The following TENM4 variants were observed in gnomAD, a reference collection of about 807,000 sequenced individuals.
The protein encoded by TENM4 is teneurin-4.
TENM4 carries 82 observed loss-of-function variants against 243.3 expected under a neutral mutation model. The ratio of observed to expected loss-of-function variants is 0.34; its 90% CI spans 0.28 to 0.40. TENM4 has a LOEUF of 0.40. Among genes scored for constraint, TENM4 ranks in the 10% least tolerant of loss-of-function variants. The probability of loss-of-function intolerance (pLI) is 1.00; values close to 1 mark genes in which losing one functional copy is unlikely to be tolerated. For missense variants in TENM4, 3,138 were observed against 3,673.3 expected, an observed-to-expected ratio of 0.85 and a Z score of 3.77; for synonymous variants, 1,412 against 1,456.3, an observed-to-expected ratio of 0.97 and a Z score of 0.69.
chr11:78,675,220 C>A (rs1858437462), intron 30 of TENM4, among the ~76,000 whole-genome samples: 1 of 152,108 alleles, frequency 6.6e-6, no homozygotes, highest in Non-Finnish European at 1.5e-5. Flanking sequence ...AAATCGTTTA[C>A]CCTCTCTGGA....
At chr11:79,356,336 G>C (rs888933325) in intron 1 of TENM4, among the ~76,000 whole-genome samples, 1 of 152,144 alleles carries the variant, frequency 6.6e-6, no homozygotes. Context: ...TACTAAGAAG[G>C]GATACTAATT....
chr11:79,294,170 C>T (rs775858668), intron 2 of TENM4, among the ~76,000 whole-genome samples: 1 of 152,194 alleles, frequency 6.6e-6, no homozygotes, highest in African/African-American at 2.4e-5. Flanking sequence ...AAGGCATTAT[C>T]ATTACTGACA....
intron 1 of TENM4, among the ~76,000 whole-genome samples, chr11:79,407,791 G>A (rs1858604304): frequency 6.6e-6 from 1 of 152,146 alleles, no homozygotes; most frequent in Non-Finnish European, 1.5e-5. Context: ...AAACTTTTCT[G>A]TGCTAAGAAT....
chr11:79,418,449 C>T (rs1858864090), intron 1 of TENM4, among the ~76,000 whole-genome samples: 1 of 152,224 alleles, frequency 6.6e-6, no homozygotes, highest in Admixed American at 6.5e-5. Context: ...TCTGTTGAGT[C>T]ATAGCCAATC....
chr11:78,684,235 C>T (rs1302850226), intron 29 of TENM4, among the ~76,000 whole-genome samples: 1 of 152,266 alleles, frequency 6.6e-6, no homozygotes, highest in Non-Finnish European at 1.5e-5. Context: ...GCTACTTCAG[C>T]TCAGGTTCCA....
chr11:78,799,681 C>A lies in TENM4; in HGVS notation c.2179+5611G>T, dbSNP rs182183343. ...TTTCATGCAATTCTTGCTGACTGCA[C>A]GTGTTACCTCCAAACCTGTGCCACT... On this transcript the variant is annotated intron_variant, in intron 15 of 33. Transcript: ENST00000278550. 1.6e-4 allele frequency among the ~76,000 whole-genome samples: 24 copies of A among 152,336 alleles called. No homozygotes were observed. The East Asian group carries it at 4.6e-3, about 29-fold the overall frequency.
intron 25 of TENM4, among the ~76,000 whole-genome samples, chr11:78,719,002 A>G (rs1859585955): frequency 6.6e-6 from 1 of 152,174 alleles, no homozygotes; most frequent in African/African-American, 2.4e-5. Flanking sequence ...ATTATCATAT[A>G]ATAATAATTG....
intron 1 of TENM4, among the ~76,000 whole-genome samples, chr11:79,349,566 T>C (rs1467969902): frequency 6.6e-6 from 1 of 152,220 alleles, no homozygotes; most frequent in Non-Finnish European, 1.5e-5. Flanking sequence ...CCAGAGGTTT[T>C]GCAGTGAATA....
chr11:78,695,889 G>A (rs77298589), intron 28 of TENM4, among the ~76,000 whole-genome samples: 1,578 of 150,800 alleles, frequency 0.01, 30 homozygotes, highest in African/African-American at 0.037. Flanking sequence ...ATTCTGCTTG[G>A]TGTTTTCTGA....
chr11:79,238,180 A>C (rs1024997913), intron 2 of TENM4, among the ~76,000 whole-genome samples: 4 of 152,182 alleles, frequency 2.6e-5, no homozygotes, highest in African/African-American at 9.7e-5. Flanking sequence ...TTTACCTGTA[A>C]GGAAGCCCTT....
intron 2 of TENM4, among the ~76,000 whole-genome samples, chr11:79,256,820 T>G (rs932921263): frequency 1.1e-4 from 17 of 152,166 alleles, no homozygotes; most frequent in African/African-American, 3.9e-4. Flanking sequence ...GAATAGGGCT[T>G]GAGAGTGAGG....
rs1285410698 is a variant in TENM4 at position 79,338,969 on chromosome 11, A to G, written c.-320-41426T>C. ...GACTCAGTTCACTTTGGGGCTAGAA[A>G]CCCAAAGGCCGAGCCTTGAAGCGGG... On this transcript the variant is annotated intron_variant, in intron 1 of 33. Coordinates refer to ENST00000278550, the MANE Select transcript of TENM4 (RefSeq NM_001098816.3). 2.0e-5 allele frequency among the ~76,000 whole-genome samples: 3 copies of G among 152,186 alleles called. No homozygotes were observed. In the East Asian group the frequency reaches 5.8e-4, roughly 29 times the overall value.
chr11:79,018,622 T>C (rs1165486383), intron 6 of TENM4, among the ~76,000 whole-genome samples: 1 of 151,930 alleles, frequency 6.6e-6, no homozygotes, highest in Non-Finnish European at 1.5e-5. Flanking sequence ...TAGGAAAGAG[T>C]GGTCAGAGAG....
At chr11:79,336,547 A>G (rs1013928330) in intron 1 of TENM4, among the ~76,000 whole-genome samples, 11 of 152,212 alleles carry the variant, frequency 7.2e-5, no homozygotes, top group African/African-American at 2.2e-4. Flanking sequence ...CCACAATGCA[A>G]TAAGGAATCT....
intron 4 of TENM4, among the ~76,000 whole-genome samples, chr11:79,080,794 A>T (rs190308217): frequency 6.6e-6 from 1 of 151,650 alleles, no homozygotes; most frequent in African/African-American, 2.4e-5. Context: ...CCCTAGAAAA[A>T]CCCTTTTCCT....
chr11:79,222,984 A>G (rs1864193034), intron 2 of TENM4, among the ~76,000 whole-genome samples: 1 of 152,028 alleles, frequency 6.6e-6, no homozygotes, highest in African/African-American at 2.4e-5. Context: ...GGGGCCTGTC[A>G]GGGGGTTTGG....
intron 1 of TENM4, among the ~76,000 whole-genome samples, chr11:79,384,006 C>T (rs913965185): frequency 2.0e-5 from 3 of 152,150 alleles, no homozygotes; most frequent in Non-Finnish European, 4.4e-5. Flanking sequence ...CCCCCCCTTC[C>T]TTTCTTCCCC....
At chr11:79,312,946 G>T (rs1003474626) in intron 1 of TENM4, among the ~76,000 whole-genome samples, 2 of 152,190 alleles carry the variant, frequency 1.3e-5, no homozygotes, top group Non-Finnish European at 2.9e-5. Flanking sequence ...AAGGCTGTGT[G>T]CTTTGTTTCC....
Position 78,688,039 on chromosome 11 carries a change from C to A in TENM4, c.5260+15G>T. On this transcript the variant is annotated intron_variant, in intron 29 of 33. Coordinates refer to ENST00000278550, the MANE Select transcript of TENM4 (RefSeq NM_001098816.3). ...CCCCTCTGCCTCAAAGTCCCCTGGC[C>A]CCCACCTGACTTACCTTGCAGCAGT... is the stretch of plus-strand genomic sequence containing the variant. 6.2e-7 allele frequency: 1 copy of A among 1,612,572 alleles called. No homozygotes were observed. Among genetic ancestry groups the A allele is most frequent in the Middle Eastern group, 1.7e-4 (1 of 5,976 alleles).
Sources: gnomAD v4.1 joint callset for allele counts (sites outside exome capture counted in the v4.1 genomes callset) on GRCh38, gnomAD v4.1.1 for gene constraint, MANE v1.5 for transcripts, NCBI Gene and HGNC (gene_info 2026-07-23, HGNC 2026-07-21) for gene names.